Variants in BRAF observed in about 807,000 individuals in gnomAD.
The protein encoded by BRAF is B-Raf proto-oncogene, serine/threonine kinase.
Under a neutral mutation model 104.6 loss-of-function variants are expected in BRAF, and 16 were observed. That is an observed-to-expected ratio of 0.15 (90% confidence interval 0.10 to 0.23). The LOEUF is 0.23. BRAF is among the 10% of genes least tolerant of loss of function. BRAF has a pLI of 1.00. For synonymous variants in BRAF, 310 were observed against 341.6 expected, an observed-to-expected ratio of 0.91 and a Z score of 1.02; for missense variants, 541 against 937.3, an observed-to-expected ratio of 0.58 and a Z score of 5.52.
intron 1 of BRAF, among the ~76,000 whole-genome samples, chr7:140,902,584 G>A (rs1476434436): frequency 6.6e-6 from 1 of 152,182 alleles, no homozygotes; most frequent in Non-Finnish European, 1.5e-5. Flanking sequence ...AAATGCAAAG[G>A]CAGAGTTTTT....
At chr7:140,881,247 A>G (rs756501458) in intron 1 of BRAF, among the ~76,000 whole-genome samples, 14 of 152,202 alleles carry the variant, frequency 9.2e-5, no homozygotes, top group Non-Finnish European at 1.9e-4. Context: ...ATGATAAATG[A>G]GCACTGACTT....
the BRAF span, among the ~76,000 whole-genome samples, chr7:140,714,205 A>G: frequency 6.6e-6 from 1 of 152,114 alleles, no homozygotes; most frequent in Admixed American, 6.6e-5. Flanking sequence ...AGCTGTTCCT[A>G]TTCGGCCATC....
At chr7:140,824,048 C>T (rs1034548308) in intron 3 of BRAF, 1 of 152,116 alleles carries the variant, frequency 6.6e-6, no homozygotes, top group Non-Finnish European at 1.5e-5. Context: ...GGATATTAAC[C>T]CCTTATCAGA....
intron 1 of BRAF, among the ~76,000 whole-genome samples, chr7:140,909,890 C>G (rs6964937): frequency 0.3 from 45,346 of 151,550 alleles, 10,879 homozygotes; most frequent in African/African-American, 0.67. Flanking sequence ...TCTATGCTCA[C>G]ATCATTATGA....
the BRAF span, among the ~76,000 whole-genome samples, chr7:140,713,823 A>C: frequency 6.6e-6 from 1 of 152,252 alleles, no homozygotes; most frequent in South Asian, 2.1e-4. Context: ...TTTTCCTTCT[A>C]ACAGACAGGA....
At chr7:140,879,900 T>C (rs1278255359) in intron 1 of BRAF, among the ~76,000 whole-genome samples, 1 of 151,970 alleles carries the variant, frequency 6.6e-6, no homozygotes, top group Non-Finnish European at 1.5e-5. Context: ...ACTTGCTAAG[T>C]TTTGTATTTT....
intron 3 of BRAF, among the ~76,000 whole-genome samples, chr7:140,822,697 T>TAA (rs1805615311): frequency 6.6e-6 from 1 of 152,224 alleles, no homozygotes; most frequent in Non-Finnish European, 1.5e-5. Flanking sequence ...TTTGGGTTAT[T>TAA]TCCAGTTTGG....
chr7:140,762,996 C>T (rs1236741075), intron 14 of BRAF, among the ~76,000 whole-genome samples: 1 of 152,172 alleles, frequency 6.6e-6, no homozygotes, highest in African/African-American at 2.4e-5. Flanking sequence ...AAAAGTCTCC[C>T]ATGTCTACCT....
intron 1 of BRAF, among the ~76,000 whole-genome samples, chr7:140,884,485 A>G (rs1004948762): frequency 1.4e-5 from 2 of 140,724 alleles, no homozygotes; most frequent in African/African-American, 5.3e-5. Context: ...GTATAAAAAT[A>G]TAATTTTTTT....
intron 17 of BRAF, among the ~76,000 whole-genome samples, chr7:140,748,057 A>T (rs1797495348): frequency 6.6e-6 from 1 of 152,206 alleles, no homozygotes; most frequent in African/African-American, 2.4e-5. Context: ...AGCCATTTTT[A>T]AAAACCATCA....
intron 16 of BRAF, among the ~76,000 whole-genome samples, chr7:140,751,403 C>T (rs1302971509): frequency 6.6e-6 from 1 of 152,074 alleles, no homozygotes; most frequent in African/African-American, 2.4e-5. Flanking sequence ...GGATACACTG[C>T]CATCTTTTTC....
chr7:140,893,432 G>C (rs937333920), intron 1 of BRAF, among the ~76,000 whole-genome samples: 1 of 151,958 alleles, frequency 6.6e-6, no homozygotes, highest in Admixed American at 6.6e-5. Flanking sequence ...TGTATTTTCA[G>C]TGGAGACGGG....
In BRAF at chr7:140,785,684, A is replaced by G. The variant is rs1801283901; in HGVS notation, c.1297+5T>C. On this transcript the variant is annotated splice_donor_5th_base_variant and intron_variant, in intron 10 of 19. Coordinates refer to ENST00000644969, the MANE Select transcript of BRAF (RefSeq NM_001374258.1). Reference sequence around the variant, plus strand: ...GGTGAAAACAAGAAAGAAGAGCCCAACTACCTCTGAACACTGGGCCAGGCT... The same window carrying G: ...GGTGAAAACAAGAAAGAAGAGCCCAGCTACCTCTGAACACTGGGCCAGGCT... 4 of 398,964 alleles carry G rather than the reference A, an allele frequency of 1.0e-5. No homozygotes were observed. The Admixed American group carries it at 1.3e-4, about 13-fold the overall frequency. The allele number at this position is 398,964 out of a possible 1,614,324, so 24.7% of individuals were successfully genotyped here. A position where few individuals can be genotyped will look rare whatever the true frequency, so the allele number is the denominator to read the frequency against.
chr7:140,732,583 GC>G (rs1585923523), intron 19 of BRAF: 1 of 152,134 alleles, frequency 6.6e-6, no homozygotes, highest in East Asian at 1.9e-4. Context: ...TGTTTTACTG[GC>G]TACAGAATGG....
At chr7:140,781,962 A>C (rs1205682928) in intron 11 of BRAF, among the ~76,000 whole-genome samples, 2 of 152,142 alleles carry the variant, frequency 1.3e-5, no homozygotes, top group Non-Finnish European at 2.9e-5. Flanking sequence ...CACAACTTGC[A>C]GGTTTGTTAC....
At chr7:140,854,387 A>T (rs1809536584) in intron 1 of BRAF, among the ~76,000 whole-genome samples, 1 of 152,172 alleles carries the variant, frequency 6.6e-6, no homozygotes, top group Admixed American at 6.5e-5. Context: ...TTAAAGCTGA[A>T]GATTTAAGCT....
intron 14 of BRAF, among the ~76,000 whole-genome samples, chr7:140,762,290 C>T (rs535615868): frequency 1.3e-5 from 2 of 152,290 alleles, no homozygotes; most frequent in Admixed American, 1.3e-4. Context: ...TGAATGACTA[C>T]TGGGTACATA....
At chr7:140,754,378 T>A in intron 14 of BRAF, 145 bp from the exon 14 acceptor site, 1 of 721,820 alleles carries the variant, frequency 1.4e-6, no homozygotes, top group Non-Finnish European at 2.5e-6. Context: ...CTTCACAGAA[T>A]ATTAAAATAG....
At chr7:140,892,914 G>A (rs1218185798) in intron 1 of BRAF, among the ~76,000 whole-genome samples, 1 of 152,164 alleles carries the variant, frequency 6.6e-6, no homozygotes, top group African/African-American at 2.4e-5. Context: ...GTTCCTTTGT[G>A]AGAATAACTA....
Sources: allele counts gnomAD v4.1 joint callset (sites outside exome capture counted in the v4.1 genomes callset), GRCh38; gene constraint gnomAD v4.1.1; transcripts MANE v1.5; gene names NCBI Gene and HGNC (gene_info 2026-07-23, HGNC 2026-07-21).